Variants in IPO11 observed in about 807,000 individuals in gnomAD.
The protein encoded by IPO11 is importin 11.
In IPO11, 66 loss-of-function variants were observed where a neutral mutation model predicts 143.2. That is an observed-to-expected ratio of 0.46 (90% CI 0.38 to 0.57). The LOEUF is 0.57. IPO11 is among the 20% of genes least tolerant of loss of function. The probability of loss-of-function intolerance (pLI) is 0.00; values close to 1 mark genes in which losing one functional copy is unlikely to be tolerated. For missense variants in IPO11, 1,026 were observed against 1,141.0 expected (o/e 0.90, Z 1.45); for synonymous variants, 385 against 377.8 (o/e 1.02, Z -0.22).
intron 5 of IPO11, among the ~76,000 whole-genome samples, chr5:62,455,771 G>T (rs1216406951): frequency 7.6e-5 from 11 of 144,704 alleles, no homozygotes; most frequent in East Asian, 2.0e-4. Context: ...TTTTTTTTTT[G>T]AGAGAGAGAG....
At chr5:62,476,788 A>G (rs1177259822) in intron 9 of IPO11, 35 bp downstream of exon 9, 2 of 1,460,532 alleles carry the variant, frequency 1.4e-6, no homozygotes, top group East Asian at 2.5e-5. Flanking sequence ...CTCAAATATA[A>G]TACACATATT....
chr5:62,438,629 G>A (rs1436485610), intron 2 of IPO11, among the ~76,000 whole-genome samples: 1 of 152,084 alleles, frequency 6.6e-6, no homozygotes, highest in Admixed American at 6.6e-5. Context: ...GCGCACGCCT[G>A]TAGTCGCAGC....
chr5:62,435,238 G>A (rs560579952), intron 1 of IPO11, among the ~76,000 whole-genome samples: 1 of 140,756 alleles, frequency 7.1e-6, no homozygotes, highest in African/African-American at 2.6e-5. Context: ...CAGAGCAGCT[G>A]TAGTAAAATA....
At chr5:62,548,577 A>T (rs566972843) in intron 24 of IPO11, among the ~76,000 whole-genome samples, 5 of 152,286 alleles carry the variant, frequency 3.3e-5, no homozygotes, top group African/African-American at 1.2e-4. Context: ...AGTTGTCCAG[A>T]TACTACAGAG....
rs1314524564 is a variant in IPO11, at chr5:62,494,128, T to C, written c.1590+4T>C. 1 of 1,609,218 alleles carries C rather than the reference T, an allele frequency of 6.2e-7. No homozygotes were observed. Among genetic ancestry groups the C allele is most frequent in the Admixed American group, 1.7e-5 (1 of 59,284 alleles). On this transcript the variant is annotated splice_donor_region_variant and intron_variant, in intron 16 of 29. Transcript: ENST00000325324. ...GCTTCAAGATCAAGATTTAGTGGTA[T>C]GTTTCTTAAGTGCCTTAAAAGAGTT...
In IPO11 at chr5:62,559,598, GT is replaced by G. The variant is rs893248438; in HGVS notation, c.2461-1529del. ...CTTTGTTGCTTTTGTTTTTGTTTTT[GT>G]TTTTTTTTCCTCATCCATAAGAAGT... is the stretch of plus-strand genomic sequence containing the variant. On this transcript the variant is annotated intron_variant, in intron 26 of 29. Coordinates refer to ENST00000325324, the MANE Select transcript of IPO11 (RefSeq NM_016338.5). Among the ~76,000 whole-genome samples, 68 of 150,468 alleles carry G rather than the reference GT, an allele frequency of 4.5e-4. 1 individual carries two copies. The highest frequency in any genetic ancestry group is 1.4e-3 in the African/African-American group (59 of 41,066).
chr5:62,532,599 C>T (rs1247082951), intron 22 of IPO11, among the ~76,000 whole-genome samples: 1 of 152,100 alleles, frequency 6.6e-6, no homozygotes, highest in Middle Eastern at 3.2e-3. Context: ...CTAATGTGAT[C>T]CACCTGCCTC....
At chr5:62,418,477 G>A (rs1433780353) in intron 1 of IPO11, among the ~76,000 whole-genome samples, 4 of 152,312 alleles carry the variant, frequency 2.6e-5, no homozygotes, top group African/African-American at 9.6e-5. Flanking sequence ...AGTTTAAAAT[G>A]TAAGTGTTTC....
chr5:62,586,769 ATAT>A (rs372122236), intron 27 of IPO11, among the ~76,000 whole-genome samples: 124 of 47,762 alleles, frequency 2.6e-3, no homozygotes, highest in African/African-American at 6.7e-3. Flanking sequence ...AAAAAAAAAA[ATAT>A]ATATATATAT....
intron 28 of IPO11, among the ~76,000 whole-genome samples, chr5:62,598,423 T>G (rs1211860597): frequency 5.3e-5 from 2 of 37,662 alleles, no homozygotes; most frequent in East Asian, 8.4e-4. Context: ...TTTCTTTCTT[T>G]CTTTCTTTCT....
chr5:62,605,423 T>C (rs577121599), intron 29 of IPO11, among the ~76,000 whole-genome samples: 1 of 152,328 alleles, frequency 6.6e-6, no homozygotes, highest in South Asian at 2.1e-4. Context: ...ATCTCCCTTT[T>C]CATTCAGCCT....
At chr5:62,558,879 G>A (rs1054077830) in intron 26 of IPO11, among the ~76,000 whole-genome samples, 1 of 152,078 alleles carries the variant, frequency 6.6e-6, no homozygotes, top group Non-Finnish European at 1.5e-5. Flanking sequence ...TGGTGTTCCA[G>A]ACTACCACAA....
At chr5:62,451,709 T>A (rs1237175828) in intron 4 of IPO11, 21 bp from the exon 5 acceptor site, 1 of 1,597,916 alleles carries the variant, frequency 6.3e-7, no homozygotes, top group Non-Finnish European at 8.6e-7. Flanking sequence ...TGATTCCATT[T>A]GTTTAATTTT....
At chr5:62,544,423 A>G (rs144421761) in intron 24 of IPO11, among the ~76,000 whole-genome samples, 205 of 152,352 alleles carry the variant, frequency 1.3e-3, no homozygotes, top group African/African-American at 4.7e-3. Flanking sequence ...AAAACCCTCA[A>G]TAAATTCGGT....
intron 18 of IPO11, among the ~76,000 whole-genome samples, 194 bp from the exon 19 acceptor site, chr5:62,506,047 G>A (rs1472904349): frequency 1.3e-5 from 2 of 152,166 alleles, no homozygotes; most frequent in African/African-American, 4.8e-5. Context: ...AATGAAGAAA[G>A]AAAACACTTT....
At chr5:62,436,629 G>C (rs1177854821) in intron 1 of IPO11, among the ~76,000 whole-genome samples, 2 of 152,162 alleles carry the variant, frequency 1.3e-5, no homozygotes, top group Non-Finnish European at 2.9e-5. Context: ...CATGGTATAG[G>C]ATTAGATGAC....
rs116055699 is a variant in IPO11 at position 62,431,466 on chromosome 5, T to C, written c.-6-5808T>C. On this transcript the variant is annotated intron_variant, in intron 1 of 29. Transcript: ENST00000325324. ...GTGCAGTGGGGTGATCTCAGCTCAC[T>C]GTAGCCTCTACCTCCTGAGTTCAAG... is the stretch of plus-strand genomic sequence containing the variant. Among the ~76,000 whole-genome samples the C allele has an allele frequency of 6.0e-3, 909 of 152,260 alleles. 5 individuals carry two copies. Among genetic ancestry groups the C allele is most frequent in the Admixed American group, 0.01 (158 of 15,290 alleles).
intron 1 of IPO11, among the ~76,000 whole-genome samples, chr5:62,435,538 A>C (rs988976299): frequency 2.0e-5 from 3 of 151,928 alleles, no homozygotes; most frequent in Non-Finnish European, 4.4e-5. Context: ...TGCCGTGAGC[A>C]GTGATCACGT....
In IPO11 at chr5:62,446,512, C is replaced by T. The variant is rs569834820; in HGVS notation, c.240-3415C>T. Among the ~76,000 whole-genome samples the T allele has an allele frequency of 7.9e-5, 12 of 152,266 alleles. No individual in the cohort carries two copies. The South Asian group carries it at 2.3e-3, about 29-fold the overall frequency. ...GCTTAGTAATTTTAGTTTGCATTTT[C>T]TTTATGAATGATGAGTACTTTTTAA... is the stretch of plus-strand genomic sequence containing the variant. On this transcript the variant is annotated intron_variant, in intron 3 of 29. Coordinates refer to ENST00000325324, the MANE Select transcript of IPO11 (RefSeq NM_016338.5).
Sources: allele counts gnomAD v4.1 joint callset (sites outside exome capture counted in the v4.1 genomes callset), GRCh38; gene constraint gnomAD v4.1.1; transcripts MANE v1.5; gene names NCBI Gene and HGNC (gene_info 2026-07-23, HGNC 2026-07-21).